Variants in KLHL7 observed in about 807,000 individuals in gnomAD.
KLHL7 encodes the protein kelch like family member 7.
A neutral mutation model predicts 67.4 loss-of-function variants in KLHL7; 44 were observed. The ratio of observed to expected loss-of-function variants is 0.65; its 90% CI spans 0.51 to 0.84. The LOEUF (loss-of-function observed/expected upper bound fraction) is 0.84. KLHL7 is among the 40% of genes least tolerant of loss of function. The pLI, the probability that KLHL7 is intolerant of heterozygous loss-of-function variation, is 0.00. For synonymous variants in KLHL7, 252 were observed against 243.3 expected, an observed-to-expected ratio of 1.04 and a Z score of -0.33; for missense variants, 362 against 718.1, an observed-to-expected ratio of 0.50 and a Z score of 5.67.
At chr7:23,113,457 C>T (rs1782958076) in intron 1 of KLHL7, among the ~76,000 whole-genome samples, 1 of 152,182 alleles carries the variant, frequency 6.6e-6, no homozygotes, top group Admixed American at 6.5e-5. Context: ...AATCTCTAAA[C>T]TAACAGAACC....
rs1293505472 is a variant in KLHL7, at chr7:23,140,949, C to T, written c.618+5C>T. On this transcript the variant is annotated splice_donor_5th_base_variant and intron_variant, in intron 5 of 10. Transcript: ENST00000339077. ...ACTGTGAGAGCAGAGGATCAGGTGA[C>T]TAAATTGCCTTCTCACATTTTTCTT... The T allele has an allele frequency of 6.2e-7, 1 of 1,612,436 alleles. No individual in the cohort carries two copies. Among genetic ancestry groups the T allele is most frequent in the African/African-American group, 1.3e-5 (1 of 74,914 alleles).
chr7:23,162,959 G>A (rs991615026), intron 7 of KLHL7, among the ~76,000 whole-genome samples: 11 of 152,034 alleles, frequency 7.2e-5, no homozygotes, highest in Non-Finnish European at 7.4e-5. Context: ...CCAAAATAAA[G>A]TTCTCAGGTA....
intron 4 of KLHL7, among the ~76,000 whole-genome samples, chr7:23,138,683 G>T (rs1784073090): frequency 6.6e-6 from 1 of 151,608 alleles, no homozygotes; most frequent in Non-Finnish European, 1.5e-5. Context: ...GATTATAGAT[G>T]CGCGCCACCA....
chr7:23,143,518 A>G (rs1423707304), intron 5 of KLHL7, among the ~76,000 whole-genome samples: 1 of 152,006 alleles, frequency 6.6e-6, no homozygotes, highest in African/African-American at 2.4e-5. Context: ...ATATGTTGAA[A>G]CTTTTGTTGA....
intron 7 of KLHL7, among the ~76,000 whole-genome samples, chr7:23,153,669 A>G (rs1211920631): frequency 6.6e-6 from 1 of 152,236 alleles, no homozygotes; most frequent in Non-Finnish European, 1.5e-5. Flanking sequence ...AATTTGGGGC[A>G]TGCTCTGATT....
intron 7 of KLHL7, among the ~76,000 whole-genome samples, chr7:23,160,935 T>C (rs1330681074): frequency 6.6e-6 from 1 of 152,184 alleles, no homozygotes. Context: ...TGTCCTATAG[T>C]TTAAATTTAG....
intron 1 of KLHL7, chr7:23,118,110 C>G (rs956605111): frequency 2.0e-5 from 19 of 932,554 alleles, no homozygotes; most frequent in Admixed American, 1.6e-4. Flanking sequence ...ACCCAACTGC[C>G]TTTTGTAATC....
At chr7:23,111,462 CTG>C (rs1004415727) in intron 1 of KLHL7, among the ~76,000 whole-genome samples, 8 of 152,146 alleles carry the variant, frequency 5.3e-5, no homozygotes, top group African/African-American at 1.4e-4. Flanking sequence ...ATTCTAAAAT[CTG>C]TGTATGCATG....
Position 23,133,969 on chromosome 7 carries a change from A to G in KLHL7, c.443-6800A>G, listed in dbSNP as rs1275601693. ...ATTCTCTTGTCTGATTGCTCTAGCT[A>G]GGACTTCCAGTACTATATTGAGTAA... On this transcript the variant is annotated intron_variant, in intron 4 of 10. Coordinates refer to ENST00000339077, the MANE Select transcript of KLHL7 (RefSeq NM_001031710.3). Among the ~76,000 whole-genome samples, 6 of 152,266 alleles carry G rather than the reference A, an allele frequency of 3.9e-5. No individual in the cohort carries two copies. In the East Asian group the frequency reaches 1.2e-3, roughly 29 times the overall value.
At chr7:23,164,622 C>T (rs1182179985) in intron 7 of KLHL7, among the ~76,000 whole-genome samples, 1 of 152,188 alleles carries the variant, frequency 6.6e-6, no homozygotes, top group Non-Finnish European at 1.5e-5. Flanking sequence ...ACATCCTAAG[C>T]TATTAAGGCT....
At chr7:23,129,158 G>C in intron 4 of KLHL7, 1 of 173,874 alleles carries the variant, frequency 5.8e-6, no homozygotes, top group Non-Finnish European at 1.2e-5. Context: ...GCACAGCCTG[G>C]GCCTCTGTCC....
intron 1 of KLHL7, among the ~76,000 whole-genome samples, chr7:23,109,725 T>C (rs1334026438): frequency 6.6e-6 from 1 of 152,254 alleles, no homozygotes; most frequent in African/African-American, 2.4e-5. Flanking sequence ...CCTTCAGTGT[T>C]AAACCCTTGA....
At chr7:23,137,015 T>C (rs1331755990) in intron 4 of KLHL7, among the ~76,000 whole-genome samples, 1 of 152,234 alleles carries the variant, frequency 6.6e-6, no homozygotes, top group Admixed American at 6.5e-5. Flanking sequence ...CCAGGTGCAG[T>C]GTCTCACACC....
At chr7:23,133,443 T>A (rs1783870108) in intron 4 of KLHL7, among the ~76,000 whole-genome samples, 1 of 152,024 alleles carries the variant, frequency 6.6e-6, no homozygotes, top group Admixed American at 6.6e-5. Context: ...TATTTTTATA[T>A]TTTTTTGAGA....
chr7:23,142,169 C>T (rs1172857383), intron 5 of KLHL7, among the ~76,000 whole-genome samples: 1 of 152,162 alleles, frequency 6.6e-6, no homozygotes, highest in African/African-American at 2.4e-5. Flanking sequence ...GCTAGGATTA[C>T]AGATGTGAGC....
chr7:23,123,732 G>A (rs775183310), intron 1 of KLHL7, 45 bp from the exon 2 acceptor site: 3 of 1,327,316 alleles, frequency 2.3e-6, no homozygotes, highest in Non-Finnish European at 1.1e-6. Flanking sequence ...TGCCAAGCTA[G>A]GCTAGTGAGC....
chr7:23,167,716 A>C, intron 8 of KLHL7, 120 bp from the exon 9 acceptor site: 1 of 806,100 alleles, frequency 1.2e-6, no homozygotes, highest in Non-Finnish European at 2.1e-6. Context: ...TTGATTGAGT[A>C]TGAAAATGGC....
chr7:23,146,642 G>GTTCTTCTTCTTCTTCTTC (rs763440560), intron 6 of KLHL7, among the ~76,000 whole-genome samples: 2 of 148,768 alleles, frequency 1.3e-5, no homozygotes, highest in African/African-American at 5.1e-5. Flanking sequence ...CACTTATAGA[G>GTTCTTCTTCTTCTTCTTC]TTCTTCTTCT....
chr7:23,126,901 G>A (rs1783594647), intron 4 of KLHL7, among the ~76,000 whole-genome samples: 1 of 152,144 alleles, frequency 6.6e-6, no homozygotes, highest in African/African-American at 2.4e-5. Flanking sequence ...TCTACATATT[G>A]AAAAGATCCC....
Sources: allele counts gnomAD v4.1 joint callset (sites outside exome capture counted in the v4.1 genomes callset), GRCh38; gene constraint gnomAD v4.1.1; transcripts MANE v1.5; gene names NCBI Gene and HGNC (gene_info 2026-07-23, HGNC 2026-07-21).